The following LIN28B variants were observed in gnomAD, a reference collection of about 807,000 sequenced individuals.
LIN28B encodes the protein lin-28 RNA binding posttranscriptional regulator B.
A neutral mutation model predicts 21.9 loss-of-function variants in LIN28B; 5 were observed. That is an observed-to-expected ratio of 0.23 (90% CI 0.12 to 0.48). LIN28B has a LOEUF of 0.48. Ranked by LOEUF, LIN28B falls within the 20% of genes least tolerant of loss-of-function variation. The pLI is 0.98. For synonymous variants in LIN28B, 109 were observed against 111.3 expected, an observed-to-expected ratio of 0.98 and a Z score of 0.13; for missense variants, 245 against 310.5, an observed-to-expected ratio of 0.79 and a Z score of 1.58.
chr6:104,944,419 G>T (rs1363666157), intron 2 of LIN28B, among the ~76,000 whole-genome samples: 8 of 151,984 alleles, frequency 5.3e-5, no homozygotes, highest in Non-Finnish European at 1.2e-4. Context: ...TGCAATTTTT[G>T]ATTTAGGTTC....
intron 3 of LIN28B, among the ~76,000 whole-genome samples, chr6:105,058,336 A>G (rs1267617289): frequency 1.3e-5 from 2 of 152,180 alleles, no homozygotes; most frequent in Non-Finnish European, 2.9e-5. Flanking sequence ...TGAGGTAACT[A>G]CTTTTCATTG....
At chr6:104,947,261 A>G (rs1346622410) in intron 2 of LIN28B, among the ~76,000 whole-genome samples, 3 of 152,050 alleles carry the variant, frequency 2.0e-5, no homozygotes, top group Non-Finnish European at 4.4e-5. Flanking sequence ...AGTAGCTAGG[A>G]TTACAGGCAT....
At chr6:105,042,511 T>A (rs1227481346) in intron 3 of LIN28B, among the ~76,000 whole-genome samples, 1 of 152,166 alleles carries the variant, frequency 6.6e-6, no homozygotes, top group Non-Finnish European at 1.5e-5. Context: ...CTCCTAAAGT[T>A]TCATGTCTTT....
chr6:105,036,591 C>T (rs1324127676), intron 3 of LIN28B, among the ~76,000 whole-genome samples: 1 of 152,138 alleles, frequency 6.6e-6, no homozygotes, highest in Non-Finnish European at 1.5e-5. Context: ...TCTCATCACC[C>T]TCTGCCAGAC....
intron 2 of LIN28B, among the ~76,000 whole-genome samples, chr6:105,015,281 C>A (rs1771004303): frequency 6.6e-6 from 1 of 151,960 alleles, no homozygotes; most frequent in African/African-American, 2.4e-5. Flanking sequence ...TATGAAATGT[C>A]CTTCTTTATT....
At chr6:105,056,754 A>C (rs1487438297) in intron 3 of LIN28B, among the ~76,000 whole-genome samples, 1 of 152,152 alleles carries the variant, frequency 6.6e-6, no homozygotes, top group Non-Finnish European at 1.5e-5. Flanking sequence ...CTGTCCCAAG[A>C]ATTCCAACTG....
At chr6:104,993,734 C>T (rs1264392033) in intron 2 of LIN28B, among the ~76,000 whole-genome samples, 3 of 150,996 alleles carry the variant, frequency 2.0e-5, no homozygotes, top group Non-Finnish European at 4.4e-5. Context: ...ACTTGGGAGG[C>T]TGAGGCACAA....
chr6:105,024,052 G>T lies in LIN28B; in HGVS notation c.199-2246G>T, dbSNP rs575927158. Among the ~76,000 whole-genome samples the T allele has an allele frequency of 6.6e-5, 10 of 151,930 alleles. No homozygotes were observed. The South Asian group carries it at 2.1e-3, about 32-fold the overall frequency. ...GGCTGGAGTGCAGTGACACGATCTC[G>T]ATCTCCGCTCACTGCAACCTCCGCC... On this transcript the variant is annotated intron_variant, in intron 2 of 3. Coordinates refer to ENST00000345080, the MANE Select transcript of LIN28B (RefSeq NM_001004317.4).
intron 3 of LIN28B, among the ~76,000 whole-genome samples, chr6:105,051,668 C>G (rs531973195): frequency 6.6e-6 from 1 of 152,022 alleles, no homozygotes; most frequent in African/African-American, 2.4e-5. Flanking sequence ...AAAGTAACTA[C>G]TTAGTAAATA....
chr6:105,002,538 C>T (rs1770739711), intron 2 of LIN28B, among the ~76,000 whole-genome samples: 1 of 152,096 alleles, frequency 6.6e-6, no homozygotes, highest in South Asian at 2.1e-4. Context: ...ATATTTGACT[C>T]CACAGTTGCA....
intron 3 of LIN28B, among the ~76,000 whole-genome samples, chr6:105,053,943 C>T (rs912356283): frequency 1.5e-4 from 23 of 152,124 alleles, no homozygotes; most frequent in Admixed American, 6.6e-5. Flanking sequence ...AGGGTTTCAC[C>T]GTGTTGGCCA....
intron 2 of LIN28B, among the ~76,000 whole-genome samples, chr6:105,021,437 T>A (rs1375974409): frequency 6.6e-6 from 1 of 152,182 alleles, no homozygotes; most frequent in African/African-American, 2.4e-5. Context: ...CTTTGGTAAA[T>A]CTTCATGCTG....
At chr6:104,980,780 T>G (rs1338626789) in intron 2 of LIN28B, among the ~76,000 whole-genome samples, 2 of 152,288 alleles carry the variant, frequency 1.3e-5, no homozygotes, top group Non-Finnish European at 2.9e-5. Flanking sequence ...ACAGACTGAA[T>G]TAACCTTTTC....
intron 3 of LIN28B, among the ~76,000 whole-genome samples, chr6:105,032,615 C>T (rs1466301704): frequency 3.3e-5 from 5 of 151,882 alleles, no homozygotes; most frequent in African/African-American, 1.2e-4. Context: ...GTCCCAGCTA[C>T]TTGTACTGAG....
chr6:104,971,609 A>G (rs756408026), intron 2 of LIN28B, among the ~76,000 whole-genome samples: 6 of 152,066 alleles, frequency 3.9e-5, no homozygotes, highest in African/African-American at 7.2e-5. Flanking sequence ...TGGGTTATCA[A>G]CCTTTCAAGA....
intron 3 of LIN28B, among the ~76,000 whole-genome samples, chr6:105,062,294 T>C (rs958170009): frequency 2.8e-4 from 43 of 152,246 alleles, no homozygotes; most frequent in African/African-American, 7.7e-4. Flanking sequence ...TAATTGTGAT[T>C]GTGTCATTGT....
At position 105,026,497 on chromosome 6, in the gene LIN28B, T is replaced by G; in HGVS notation, c.383+15T>G. On this transcript the variant is annotated intron_variant, in intron 3 of 3. Coordinates refer to ENST00000345080, the MANE Select transcript of LIN28B (RefSeq NM_001004317.4). Reference sequence around the variant, plus strand: ...AAGGGAGATAGGTAATCATTTTTACTTTGTTAATTTATCAGTTTATTGTGT... The same window carrying G: ...AAGGGAGATAGGTAATCATTTTTACGTTGTTAATTTATCAGTTTATTGTGT... 1 of 1,482,564 alleles carries G rather than the reference T, an allele frequency of 6.7e-7. No homozygotes were observed. The highest frequency in any genetic ancestry group is 9.1e-7 in the Non-Finnish European group (1 of 1,096,442). The allele number at this position is 1,482,564 out of a possible 1,614,324, so 91.8% of individuals were successfully genotyped here. A position where few individuals can be genotyped will look rare whatever the true frequency, so the allele number is the denominator to read the frequency against.
chr6:104,942,053 T>C (rs1324178944), intron 2 of LIN28B, among the ~76,000 whole-genome samples: 2 of 152,232 alleles, frequency 1.3e-5, no homozygotes, highest in African/African-American at 4.8e-5. Context: ...TGTGGGTTTG[T>C]TTTCATCCGT....
Position 105,078,659 on chromosome 6 carries a change from C to A in LIN28B, c.629C>A (p.Ala210Asp), listed in dbSNP as rs1772480940. ...ACATCACCACCGTTTCCTCAGGAGG[C>A]TAGGGCAGAGATCTCAGAACGGTCA... ...GCTSPPFPQE[A>D]RAEISERSGR... Residue 210 changes from alanine (A) to aspartate (D), a missense_variant, in exon 4 of 4, where the codon GCT (alanine) becomes GAT (aspartate). By Grantham distance (126) the Ala-to-Asp change is moderately radical. Coordinates refer to ENST00000345080, the MANE Select transcript of LIN28B (RefSeq NM_001004317.4). 1 of 1,613,990 alleles carries A rather than the reference C, an allele frequency of 6.2e-7. No individual in the cohort carries two copies. Among genetic ancestry groups the A allele is most frequent in the Admixed American group, 1.7e-5 (1 of 60,000 alleles).
Sources: gnomAD v4.1 joint callset for allele counts (sites outside exome capture counted in the v4.1 genomes callset) on GRCh38, gnomAD v4.1.1 for gene constraint, MANE v1.5 for transcripts, NCBI Gene and HGNC (gene_info 2026-07-23, HGNC 2026-07-21) for gene names.